The following D2HGDH variants were observed in gnomAD, a reference collection of about 807,000 sequenced individuals.
D2HGDH encodes the protein D-2-hydroxyglutarate dehydrogenase, also known as D-2-hydroxyglutarate dehydrogenase, mitochondrial.
In D2HGDH, 31 loss-of-function variants were observed where a neutral mutation model predicts 46.9. The ratio of observed to expected loss-of-function variants is 0.66; its 90% CI spans 0.50 to 0.89. The LOEUF (loss-of-function observed/expected upper bound fraction) is 0.89, where lower values mean the gene tolerates loss of function less well. Among genes scored for constraint, D2HGDH ranks in the 40% least tolerant of loss-of-function variants. The probability of loss-of-function intolerance (pLI) is 0.00; values close to 1 mark genes in which losing one functional copy is unlikely to be tolerated. For synonymous variants in D2HGDH, 364 were observed against 332.6 expected (o/e 1.09, Z -1.03); for missense variants, 698 against 720.8 (o/e 0.97, Z 0.36).
chr2:241,762,926 G>T (rs141760852), intron 9 of D2HGDH, among the ~76,000 whole-genome samples: 1 of 152,276 alleles, frequency 6.6e-6, no homozygotes, highest in Non-Finnish European at 1.5e-5. Context: ...CTTAGCCGTG[G>T]TGGTTTGTCT....
At position 241,768,095 on chromosome 2, in the gene D2HGDH, T is replaced by C; in HGVS notation, c.*126T>C. The stretch of plus-strand genomic sequence containing the variant: ...GGACCAGGCACCTGGTTGAAGGGAC[T>C]GGGAGCCCGCACTGGGGAACTGCCG... On this transcript the variant is annotated 3_prime_UTR_variant, in exon 10 of 10. Coordinates refer to ENST00000321264, the MANE Select transcript of D2HGDH (RefSeq NM_152783.5). The C allele has an allele frequency of 7.3e-7, 1 of 1,370,304 alleles. No homozygotes were observed. 84.9% of individuals were successfully genotyped at this position (1,370,304 alleles called of 1,614,324 possible). A position where few individuals can be genotyped will look rare whatever the true frequency, so the allele number is the denominator to read the frequency against.
At chr2:241,735,876 C>A in intron 2 of D2HGDH, 1 of 313,160 alleles carries the variant, frequency 3.2e-6, no homozygotes, top group Non-Finnish European at 6.1e-6. Flanking sequence ...GATTTGCCTG[C>A]CTCAGCCTCC....
chr2:241,759,189 GTGTT>G (rs1698506092), intron 9 of D2HGDH, among the ~76,000 whole-genome samples: 2 of 152,270 alleles, frequency 1.3e-5, no homozygotes, highest in Admixed American at 1.3e-4. Flanking sequence ...GCTGGAATCA[GTGTT>G]TGTACAGATC....
chr2:241,735,768 C>G (rs1692616450), intron 2 of D2HGDH, among the ~76,000 whole-genome samples: 1 of 152,132 alleles, frequency 6.6e-6, no homozygotes, highest in Non-Finnish European at 1.5e-5. Flanking sequence ...ACTCTGTCGC[C>G]AGGCTGGAGT....
At chr2:241,744,981 C>CCCA (rs567209414) in intron 6 of D2HGDH, 104 bp downstream of exon 6, 5 of 1,475,292 alleles carry the variant, frequency 3.4e-6, no homozygotes, top group Admixed American at 1.8e-5. Flanking sequence ...GACCCCCCGC[C>CCCA]AAGGACAGTC....
At position 241,735,514 on chromosome 2, in the gene D2HGDH, G is replaced by A. The variant is rs1692514824; in HGVS notation, c.290G>A (p.Arg97Gln). 6.2e-7 allele frequency: 1 copy of A among 1,604,970 alleles called. No individual in the cohort carries two copies. Among genetic ancestry groups the A allele is most frequent in the African/African-American group, 1.3e-5 (1 of 74,926 alleles). ...APNVDWLRTL[R>Q]GCSKVLLRPR... ...AACGTGGACTGGTTGCGGACGCTGC[G>A]AGGTGGGTGAGGCTTGGGAAGCTGC... Residue 97 changes from arginine (R) to glutamine (Q), a missense_variant and splice_region_variant, in exon 2 of 10, where the codon CGA becomes CAA. Coordinates refer to ENST00000321264, the MANE Select transcript of D2HGDH (RefSeq NM_152783.5).
intron 6 of D2HGDH, among the ~76,000 whole-genome samples, chr2:241,747,518 A>T (rs1696175941): frequency 6.7e-6 from 1 of 148,310 alleles, no homozygotes; most frequent in African/African-American, 2.5e-5. Flanking sequence ...TGTCGGGCTG[A>T]TCCATGGTCA....
In D2HGDH at chr2:241,750,276, C is replaced by T; in HGVS notation, c.979C>T (p.Leu327=). Residue 327 remains leucine (L), a synonymous_variant, in exon 7 of 10, where the codon CTG becomes TTG. Coordinates refer to ENST00000321264, the MANE Select transcript of D2HGDH (RefSeq NM_152783.5). ...CMQLVGRHLH[L]ASPVQESPFY... The stretch of plus-strand genomic sequence containing the variant: ...GCAGCTGGTCGGGCGCCATCTCCAC[C>T]TGGCCAGCCCGGTGCAAGGTACTGA... 1 of 1,613,514 alleles carries T rather than the reference C, an allele frequency of 6.2e-7. No individual in the cohort carries two copies. The highest frequency in any genetic ancestry group is 1.3e-5 in the African/African-American group (1 of 75,042).
At chr2:241,746,889 A>G (rs955328929) in intron 6 of D2HGDH, among the ~76,000 whole-genome samples, 12 of 147,462 alleles carry the variant, frequency 8.1e-5, no homozygotes, top group Non-Finnish European at 1.5e-5. Flanking sequence ...CTCCATCTCA[A>G]AAAAAAAAAA....
intron 9 of D2HGDH, among the ~76,000 whole-genome samples, chr2:241,762,798 T>C (rs1199053678): frequency 1.3e-5 from 2 of 152,196 alleles, no homozygotes; most frequent in Non-Finnish European, 2.9e-5. Context: ...TATTTAAAAA[T>C]TGCTTGGTCA....
intron 8 of D2HGDH, chr2:241,755,485 C>T (rs1698023867): frequency 7.5e-7 from 1 of 1,330,624 alleles, no homozygotes; most frequent in Non-Finnish European, 9.9e-7. Flanking sequence ...CAGGTGGGCG[C>T]CTCCCCCTTC....
intron 6 of D2HGDH, chr2:241,748,772 C>T (rs369460112): frequency 1.2e-5 from 13 of 1,084,582 alleles, no homozygotes; most frequent in East Asian, 2.0e-4. Context: ...CTGCTTCTGC[C>T]GACTTACTCT....
At chr2:241,755,153 CTCCTCCTCAGAATCCT>C in intron 8 of D2HGDH, 1 of 1,304,050 alleles carries the variant, frequency 7.7e-7, no homozygotes, top group Non-Finnish European at 1.0e-6. Flanking sequence ...GCACCGTCTG[CTCCTCCTCAGAATCCT>C]TCCTCCCCCG....
intron 8 of D2HGDH, among the ~76,000 whole-genome samples, chr2:241,754,311 C>T (rs1004448512): frequency 1.3e-5 from 2 of 152,144 alleles, no homozygotes; most frequent in African/African-American, 4.8e-5. Context: ...CAGGGCAGGG[C>T]GTGACCCAAG....
intron 6 of D2HGDH, chr2:241,748,773 G>C: frequency 3.7e-6 from 4 of 1,087,954 alleles, no homozygotes; most frequent in African/African-American, 3.4e-5. Context: ...TGCTTCTGCC[G>C]ACTTACTCTC....
At chr2:241,750,024 C>T (rs933191497) in intron 6 of D2HGDH, 127 bp from the exon 7 acceptor site, 15 of 1,411,272 alleles carry the variant, frequency 1.1e-5, no homozygotes, top group Middle Eastern at 2.4e-4. Flanking sequence ...TGCCAGTCCT[C>T]GTGCTCCTCG....
rs777184273 is a variant in D2HGDH, at chr2:241,755,594, T to C, written c.1141-255T>C. 2.7e-6 allele frequency: 4 copies of C among 1,492,852 alleles called. No homozygotes were observed. In the South Asian group the frequency reaches 3.6e-5, roughly 14 times the overall value. The allele number at this position is 1,492,852 out of a possible 1,614,324, so 92.5% of individuals were successfully genotyped here. A position where few individuals can be genotyped will look rare whatever the true frequency, so the allele number is the denominator to read the frequency against. On this transcript the variant is annotated intron_variant, in intron 8 of 9. Coordinates refer to ENST00000321264, the MANE Select transcript of D2HGDH (RefSeq NM_152783.5). ...CGTGGAGCCTGGGACATTCACTGTCTGGGATTGATTCCAGGGTTGGAGCCA... is the reference window on the plus strand; with the variant it reads ...CGTGGAGCCTGGGACATTCACTGTCCGGGATTGATTCCAGGGTTGGAGCCA...
In D2HGDH at chr2:241,735,271, G is replaced by A; in HGVS notation, c.47G>A (p.Gly16Asp). ...PLAWPAWLLR[G>D]APGAAGSWGR... ...GCGTGGCCCGCGTGGCTGTTGCGGGGTGCTCCGGGAGCCGCGGGTTCTTGG... is the reference window on the plus strand; with the variant it reads ...GCGTGGCCCGCGTGGCTGTTGCGGGATGCTCCGGGAGCCGCGGGTTCTTGG... Residue 16 changes from glycine (G) to aspartate (D), a missense_variant, in exon 2 of 10, where the codon GGT (glycine) becomes GAT (aspartate). Transcript: ENST00000321264. 6.6e-7 allele frequency: 1 copy of A among 1,521,190 alleles called. No individual in the cohort carries two copies. Among genetic ancestry groups the A allele is most frequent in the Admixed American group, 2.0e-5 (1 of 49,206 alleles). 94.2% of individuals were successfully genotyped at this position (1,521,190 alleles called of 1,614,324 possible).
chr2:241,760,506 T>A (rs1044938247), intron 9 of D2HGDH, among the ~76,000 whole-genome samples: 1 of 150,128 alleles, frequency 6.7e-6, no homozygotes, highest in African/African-American at 2.5e-5. Context: ...GTCAAAGGCC[T>A]TTGCCACAGC....
Sources: gnomAD v4.1 joint callset for allele counts (sites outside exome capture counted in the v4.1 genomes callset) on GRCh38, gnomAD v4.1.1 for gene constraint, MANE v1.5 for transcripts, NCBI Gene and HGNC (gene_info 2026-07-23, HGNC 2026-07-21) for gene names.